Variants in TUT7 observed in about 807,000 individuals in gnomAD.
TUT7 encodes the protein terminal uridylyltransferase 7.
Under a neutral mutation model 165.9 loss-of-function variants are expected in TUT7, and 33 were observed. The observed-to-expected ratio is 0.20, with a 90% CI of 0.15 to 0.27. The LOEUF is 0.27. Among genes scored for constraint, TUT7 ranks in the 10% least tolerant of loss-of-function variants. The probability of loss-of-function intolerance (pLI) is 1.00; values close to 1 mark genes in which losing one functional copy is unlikely to be tolerated. For missense variants in TUT7, 1,338 were observed against 1,762.3 expected (o/e 0.76, Z 4.31); for synonymous variants, 552 against 608.1 (o/e 0.91, Z 1.36).
At chr9:86,330,409 A>G (rs1226672600) in intron 10 of TUT7, among the ~76,000 whole-genome samples, 1 of 152,186 alleles carries the variant, frequency 6.6e-6, no homozygotes, top group Non-Finnish European at 1.5e-5. Flanking sequence ...GTGCCTGGCC[A>G]TGGTAACTGC....
chr9:86,312,272 G>A (rs933563284), intron 17 of TUT7, among the ~76,000 whole-genome samples: 7 of 148,512 alleles, frequency 4.7e-5, no homozygotes, highest in African/African-American at 1.8e-4. Context: ...CTGCTCTGCC[G>A]CCCCGTCCGG....
At chr9:86,307,559 A>T (rs747361568) in intron 22 of TUT7, among the ~76,000 whole-genome samples, 1 of 152,224 alleles carries the variant, frequency 6.6e-6, no homozygotes, top group African/African-American at 2.4e-5. Context: ...ATCTTATTAA[A>T]ATTAAAAAAA....
chr9:86,319,393 T>C (rs1670830909), intron 15 of TUT7, among the ~76,000 whole-genome samples, 191 bp downstream of exon 15: 1 of 152,202 alleles, frequency 6.6e-6, no homozygotes, highest in Admixed American at 6.5e-5. Flanking sequence ...AATTCACTTA[T>C]GGCACTTGCT....
intron 15 of TUT7, 48 bp downstream of exon 15, chr9:86,319,535 GA>G (rs35491937): frequency 3.0e-6 from 4 of 1,320,974 alleles, no homozygotes; most frequent in Admixed American, 2.2e-5. Context: ...AACTGATTTG[GA>G]AAAAAGGTTA....
At chr9:86,290,940 C>A (rs1462703663) in intron 26 of TUT7, among the ~76,000 whole-genome samples, 11 of 151,996 alleles carry the variant, frequency 7.2e-5, no homozygotes, top group Admixed American at 7.2e-4. Flanking sequence ...ATAGAAAAAA[C>A]AAAGTTTTAA....
chr9:86,317,138 C>T (rs1476926130), intron 17 of TUT7, 81 bp downstream of exon 17: 2 of 1,238,814 alleles, frequency 1.6e-6, no homozygotes, highest in Non-Finnish European at 2.4e-6. Context: ...GGAACAAATA[C>T]CCCATGGATA....
intron 26 of TUT7, 72 bp downstream of exon 26, chr9:86,301,204 G>C: frequency 7.6e-7 from 1 of 1,315,600 alleles, no homozygotes; most frequent in South Asian, 1.4e-5. Context: ...AACTAAAATA[G>C]TAAAGAGCTC....
At chr9:86,314,762 G>T (rs1828545927) in intron 17 of TUT7, among the ~76,000 whole-genome samples, 2 of 152,154 alleles carry the variant, frequency 1.3e-5, no homozygotes, top group South Asian at 4.1e-4. Flanking sequence ...CCCTCCTGAA[G>T]AAACTTCAGT....
At chr9:86,290,613 G>A (rs1042058819) in intron 26 of TUT7, among the ~76,000 whole-genome samples, 1 of 151,568 alleles carries the variant, frequency 6.6e-6, no homozygotes, top group Non-Finnish European at 1.5e-5. Context: ...AGGCCAAGGC[G>A]GGCAGACTGC....
In TUT7 at chr9:86,303,218, A is replaced by G. The variant is rs774346099; in HGVS notation, c.3979-17T>C. ...AAAGTATTCCTAGAAGAACATAAAT[A>G]TATAAAAGCCTGAACTATTCACGTG... On this transcript the variant is annotated splice_polypyrimidine_tract_variant and intron_variant, in intron 24 of 26. Coordinates refer to ENST00000375963, the MANE Select transcript of TUT7 (RefSeq NM_024617.4). 5 of 1,426,760 alleles carry G rather than the reference A, an allele frequency of 3.5e-6. No individual in the cohort carries two copies. In the Admixed American group the frequency reaches 7.5e-5, roughly 21 times the overall value. The allele number at this position is 1,426,760 out of a possible 1,614,324, so 88.4% of individuals were successfully genotyped here.
At chr9:86,347,808 C>T (rs1187960863) in intron 2 of TUT7, among the ~76,000 whole-genome samples, 1 of 152,188 alleles carries the variant, frequency 6.6e-6, no homozygotes, top group African/African-American at 2.4e-5. Context: ...CTTAATATTT[C>T]CTTTTTAATA....
At position 86,300,179 on chromosome 9, in the gene TUT7, AT is replaced by A. The variant is rs1319441556; in HGVS notation, c.4420+1096del. On this transcript the variant is annotated intron_variant, in intron 26 of 26. Coordinates refer to ENST00000375963, the MANE Select transcript of TUT7 (RefSeq NM_024617.4). ...TAAACATTTAAACCCTACTCTAAAAATAATAGATAAAAATTTTTAAGTATTT... is the reference window on the plus strand; with the variant it reads ...TAAACATTTAAACCCTACTCTAAAAAAATAGATAAAAATTTTTAAGTATTT... 3.3e-5 allele frequency among the ~76,000 whole-genome samples: 5 copies of A among 152,346 alleles called. No homozygotes were observed. In the East Asian group the frequency reaches 7.7e-4, roughly 24 times the overall value.
At position 86,288,185 on chromosome 9, in the gene TUT7, G is replaced by A. The variant is rs1191860094; in HGVS notation, c.*492C>T. 1 of 152,344 alleles carries A rather than the reference G, an allele frequency of 6.6e-6. No individual in the cohort carries two copies. Among genetic ancestry groups the A allele is most frequent in the African/African-American group, 2.4e-5 (1 of 41,448 alleles). The allele number at this position is 152,344 out of a possible 1,614,324, so 9.4% of individuals were successfully genotyped here. A position where few individuals can be genotyped will look rare whatever the true frequency, so the allele number is the denominator to read the frequency against. On this transcript the variant is annotated 3_prime_UTR_variant, in exon 27 of 27. Coordinates refer to ENST00000375963, the MANE Select transcript of TUT7 (RefSeq NM_024617.4). ...CGTCTACAAATAGCAATAAAATGAT[G>A]TCCGTAAATCGGAAGTACAGCAGTA...
Position 86,322,422 on chromosome 9 carries a change from G to A in TUT7, c.2931C>T (p.Asp977=). The A allele has an allele frequency of 6.2e-7, 1 of 1,614,058 alleles. No homozygotes were observed. Among genetic ancestry groups the A allele is most frequent in the South Asian group, 1.1e-5 (1 of 91,078 alleles). The change falls in exon 14 of 27, where the codon GAC becomes GAT. Residue 977 remains aspartate (D), a synonymous_variant. Transcript: ENST00000375963. ...LCKREGHLKK[D]CPEDFKRIQL... ...GGATTCTTTTGAAGTCTTCAGGACAGTCCTTCTTTAGATGACCCTCTCGTT... is the reference window on the plus strand; with the variant it reads ...GGATTCTTTTGAAGTCTTCAGGACAATCCTTCTTTAGATGACCCTCTCGTT...
chr9:86,341,403 T>C lies in TUT7; in HGVS notation c.1087-350A>G, dbSNP rs192006154. Among the ~76,000 whole-genome samples, 286 of 152,362 alleles carry C rather than the reference T, an allele frequency of 1.9e-3. 1 individual carries two copies. Among genetic ancestry groups the C allele is most frequent in the Non-Finnish European group, 3.1e-3 (208 of 68,036 alleles). ...AATACCATTGCAACAGATAGCTTACTGGTCCCGGAGTCAGTCTTGCACTTC... is the reference window on the plus strand; with the variant it reads ...AATACCATTGCAACAGATAGCTTACCGGTCCCGGAGTCAGTCTTGCACTTC... On this transcript the variant is annotated intron_variant, in intron 6 of 26. Transcript: ENST00000375963.
At position 86,323,229 on chromosome 9, in the gene TUT7, T is replaced by C. The variant is rs1287435130; in HGVS notation, c.2521A>G (p.Met841Val). 1.2e-6 allele frequency: 2 copies of C among 1,614,158 alleles called. No individual in the cohort carries two copies. Among genetic ancestry groups the C allele is most frequent in the South Asian group, 2.2e-5 (2 of 91,086 alleles). The change falls in exon 13 of 27, where the codon ATG becomes GTG. Residue 841 changes from methionine (M) to valine (V), a missense_variant. Transcript: ENST00000375963. ...TCCTCCTCTTCATCAGAGGGAATCA[T>C]TTCTGATGTCTGGCCCTGTACTGAG... ...THSVQGQTSE[M>V]IPSDEEEEDD...
At position 86,337,430 on chromosome 9, in the gene TUT7, G is replaced by T. The variant is rs1426004675; in HGVS notation, c.1444C>A (p.Leu482Ile). The change falls in exon 10 of 27, where the codon CTA (leucine) becomes ATA (isoleucine). Residue 482 changes from leucine (L) to isoleucine (I), a missense_variant. Leu to Ile is a conservative substitution (Grantham distance 5). Transcript: ENST00000375963. Reference sequence around the variant, plus strand: ...AAAATGTTTTATACCCATGATCCTAGATATACAGGCAAAAGGGGTTCTTTC... The same window carrying T: ...AAAATGTTTTATACCCATGATCCTATATATACAGGCAAAAGGGGTTCTTTC... ...QRKEPLLPVY[L>I]GSWIEGFSLS... 2 of 1,613,214 alleles carry T rather than the reference G, an allele frequency of 1.2e-6. No homozygotes were observed. The highest frequency in any genetic ancestry group is 1.7e-6 in the Non-Finnish European group (2 of 1,179,654).
At chr9:86,305,050 C>T in intron 23 of TUT7, 103 bp from the exon 24 acceptor site, 1 of 1,183,322 alleles carries the variant, frequency 8.5e-7, no homozygotes, top group Non-Finnish European at 1.2e-6. Flanking sequence ...TATTCTAGCA[C>T]TCTGGGAGGC....
In TUT7 at chr9:86,325,472, C is replaced by G. The variant is rs750278805; in HGVS notation, c.1651G>C (p.Val551Leu). The change falls in exon 12 of 27, where the codon GTT becomes CTT. Residue 551 changes from valine (V) to leucine (L), a missense_variant. Transcript: ENST00000375963. ...AGCAATTCCACCCAGAGCTGCCCAA[C>G]TGGTACTGAAGGCTGGTGTTTCACA... is the stretch of plus-strand genomic sequence containing the variant. ...LDVKHQPSVP[V>L]GQLWVELLRF... The G allele has an allele frequency of 3.1e-6, 5 of 1,613,890 alleles. No individual in the cohort carries two copies. Among genetic ancestry groups the G allele is most frequent in the Non-Finnish European group, 4.2e-6 (5 of 1,179,948 alleles).
Sources: allele counts gnomAD v4.1 joint callset (sites outside exome capture counted in the v4.1 genomes callset), GRCh38; gene constraint gnomAD v4.1.1; transcripts MANE v1.5; gene names NCBI Gene and HGNC (gene_info 2026-07-23, HGNC 2026-07-21).